SORCS2: variants seen among roughly 807,000 people sequenced by gnomAD.
The protein encoded by SORCS2 is VPS10 domain-containing receptor SorCS2.
SORCS2 carries 100 observed loss-of-function variants against 141.6 expected under a neutral mutation model. The ratio of observed to expected loss-of-function variants is 0.71; its 90% confidence interval spans 0.60 to 0.83. The LOEUF (loss-of-function observed/expected upper bound fraction) is 0.83, where lower values mean the gene tolerates loss of function less well. Among genes scored for constraint, SORCS2 ranks in the 40% least tolerant of loss-of-function variants. SORCS2 has a pLI of 0.00. For missense variants in SORCS2, 1,646 were observed against 1,560.2 expected (o/e 1.05, Z -0.93); for synonymous variants, 789 against 676.9 (o/e 1.17, Z -2.57).
chr4:7,324,322 G>C (rs1305091397), intron 1 of SORCS2, among the ~76,000 whole-genome samples: 1 of 152,232 alleles, frequency 6.6e-6, no homozygotes. Context: ...GCAGTTGGAG[G>C]AGGAATTTGG....
intron 1 of SORCS2, among the ~76,000 whole-genome samples, chr4:7,276,134 G>A (rs1355251360): frequency 6.6e-6 from 1 of 152,198 alleles, no homozygotes; most frequent in African/African-American, 2.4e-5. Flanking sequence ...CCAGCCACCA[G>A]CCCCGCTCAT....
At chr4:7,732,349 T>A (rs1711767381) in intron 23 of SORCS2, among the ~76,000 whole-genome samples, 1 of 152,090 alleles carries the variant, frequency 6.6e-6, no homozygotes, top group South Asian at 2.1e-4. Flanking sequence ...GGGTGATGAC[T>A]GATGCTTGGA....
intron 4 of SORCS2, among the ~76,000 whole-genome samples, chr4:7,651,157 G>A (rs540669659): frequency 1.1e-4 from 16 of 150,584 alleles, no homozygotes; most frequent in Middle Eastern, 6.8e-3. Context: ...GCCAGAGTCA[G>A]AGGAGAGGCA....
intron 2 of SORCS2, among the ~76,000 whole-genome samples, chr4:7,473,943 G>T (rs1306528649): frequency 6.6e-6 from 1 of 152,214 alleles, no homozygotes; most frequent in Non-Finnish European, 1.5e-5. Context: ...TAGCTCATTG[G>T]TGATGTCGTT....
At chr4:7,511,641 G>A (rs905829156) in intron 2 of SORCS2, among the ~76,000 whole-genome samples, 3 of 152,250 alleles carry the variant, frequency 2.0e-5, no homozygotes, top group African/African-American at 4.8e-5. Context: ...GCGTGGCCCC[G>A]TGAAGGCCTA....
chr4:7,398,939 G>A (rs1724393015), intron 2 of SORCS2, among the ~76,000 whole-genome samples: 1 of 152,220 alleles, frequency 6.6e-6, no homozygotes, highest in African/African-American at 2.4e-5. Context: ...TCTTCCTCAA[G>A]ACGAATGTGC....
chr4:7,475,265 GC>G (rs2109355276), intron 2 of SORCS2, among the ~76,000 whole-genome samples: 1 of 152,264 alleles, frequency 6.6e-6, no homozygotes, highest in East Asian at 1.9e-4. Context: ...TGGAAGACAG[GC>G]CAAGGAGTGG....
At chr4:7,351,910 A>T (rs968260499) in intron 1 of SORCS2, among the ~76,000 whole-genome samples, 4 of 151,982 alleles carry the variant, frequency 2.6e-5, no homozygotes, top group African/African-American at 7.3e-5. Context: ...TCTACTGTCC[A>T]TCTACCTACT....
intron 17 of SORCS2, among the ~76,000 whole-genome samples, chr4:7,717,491 G>A (rs562898767): frequency 6.6e-6 from 1 of 152,284 alleles, no homozygotes; most frequent in East Asian, 1.9e-4. Context: ...TCTCATGAAC[G>A]CAGTGATTAG....
intron 3 of SORCS2, among the ~76,000 whole-genome samples, chr4:7,612,592 C>T (rs1327478178): frequency 3.3e-5 from 5 of 152,182 alleles, no homozygotes; most frequent in South Asian, 2.1e-4. Context: ...GCCCTGCTCC[C>T]CTGGGCCCCA....
intron 2 of SORCS2, among the ~76,000 whole-genome samples, chr4:7,464,558 T>A (rs1729496394): frequency 6.6e-6 from 1 of 152,054 alleles, no homozygotes; most frequent in Non-Finnish European, 1.5e-5. Flanking sequence ...AAGGGCTATG[T>A]GGTTAGGTTT....
chr4:7,430,641 C>T (rs1726778007), intron 2 of SORCS2: 2 of 152,234 alleles, frequency 1.3e-5, no homozygotes, highest in Admixed American at 6.5e-5. Context: ...AGATGCTCCT[C>T]TGTGCGGCGC....
At chr4:7,629,255 T>C (rs892216404) in intron 3 of SORCS2, among the ~76,000 whole-genome samples, 3 of 152,092 alleles carry the variant, frequency 2.0e-5, no homozygotes, top group African/African-American at 7.2e-5. Flanking sequence ...TTAGAAGTGA[T>C]ATTAATAAAA....
chr4:7,419,131 T>A (rs7692426), intron 2 of SORCS2, among the ~76,000 whole-genome samples: 85,636 of 152,138 alleles, frequency 0.56, 24,406 homozygotes, highest in Middle Eastern at 0.67. Flanking sequence ...AGGAAGGACC[T>A]TTGCAAATGG....
chr4:7,579,372 C>T (rs10937838), intron 3 of SORCS2, among the ~76,000 whole-genome samples: 39,970 of 151,962 alleles, frequency 0.26, 6,359 homozygotes, highest in East Asian at 0.64. Flanking sequence ...TGTGTGTGCA[C>T]GCACCTGTGT....
At chr4:7,659,578 A>G (rs1354378010) in intron 5 of SORCS2, among the ~76,000 whole-genome samples, 1 of 152,228 alleles carries the variant, frequency 6.6e-6, no homozygotes, top group African/African-American at 2.4e-5. Flanking sequence ...TTGCCCTGTC[A>G]TTGCTGCCTC....
chr4:7,465,697 A>G (rs1260245937), intron 2 of SORCS2, among the ~76,000 whole-genome samples: 1 of 152,250 alleles, frequency 6.6e-6, no homozygotes, highest in East Asian at 1.9e-4. Flanking sequence ...CCTACTCACC[A>G]AGGACAATAA....
chr4:7,410,949 CTT>C lies in SORCS2; in HGVS notation c.548+14618_548+14619del, dbSNP rs5855962. On this transcript the variant is annotated intron_variant, in intron 2 of 26. Coordinates refer to ENST00000507866, the MANE Select transcript of SORCS2 (RefSeq NM_020777.3). ...GGCCCAGCAGCCTCTTCTCTCCATC[CTT>C]TTTTTTTTTTTTTTTTTTTTTTTGA... Among the ~76,000 whole-genome samples the C allele has an allele frequency of 2.7e-3, 199 of 73,848 alleles. 2 individuals carry two copies. The East Asian group carries it at 0.069, about 26-fold the overall frequency. 48.4% of individuals were successfully genotyped at this position (73,848 alleles called of 152,430 possible).
intron 2 of SORCS2, chr4:7,434,331 C>G (rs1393396063): frequency 1.2e-5 from 20 of 1,610,984 alleles, no homozygotes; most frequent in Non-Finnish European, 1.5e-5. Context: ...AGTCTTGGCA[C>G]AGAGCTCCTT....
Sources: allele counts gnomAD v4.1 joint callset (sites outside exome capture counted in the v4.1 genomes callset), GRCh38; gene constraint gnomAD v4.1.1; transcripts MANE v1.5; gene names NCBI Gene and HGNC (gene_info 2026-07-23, HGNC 2026-07-21).